Variants in STXBP2 observed in about 807,000 individuals in gnomAD.
STXBP2 encodes syntaxin binding protein 2.
Under a neutral mutation model 72.2 loss-of-function variants are expected in STXBP2, and 47 were observed. The observed-to-expected ratio is 0.65, with a 90% CI of 0.51 to 0.83. The LOEUF is 0.83. Ranked by LOEUF, STXBP2 falls within the 40% of genes least tolerant of loss-of-function variation. The pLI, the probability that STXBP2 is intolerant of heterozygous loss-of-function variation, is 0.00. For synonymous variants in STXBP2, 367 were observed against 338.7 expected, an observed-to-expected ratio of 1.08 and a Z score of -0.92; for missense variants, 702 against 807.6, an observed-to-expected ratio of 0.87 and a Z score of 1.58.
Position 7,647,264 on chromosome 19 carries a change from G to GC in STXBP2, c.1538+22dup. On this transcript the variant is annotated intron_variant, in intron 17 of 18. Coordinates refer to ENST00000221283, the MANE Select transcript of STXBP2 (RefSeq NM_006949.4). ...CGCTGTCAGGTGAGGCCCCGGGGCCGCCCCCGCCCACGCCTGGGTCTGTGT... is the reference window on the plus strand; with the variant it reads ...CGCTGTCAGGTGAGGCCCCGGGGCCGCCCCCCGCCCACGCCTGGGTCTGTGT... 1 of 1,610,210 alleles carries GC rather than the reference G, an allele frequency of 6.2e-7. No individual in the cohort carries two copies. Among genetic ancestry groups the GC allele is most frequent in the Non-Finnish European group, 8.5e-7 (1 of 1,179,158 alleles).
upstream of STXBP2, chr19:7,636,176 A>G (rs2031524452): frequency 6.6e-6 from 1 of 152,046 alleles, no homozygotes; most frequent in African/African-American, 2.4e-5. Flanking sequence ...CCTATGTCCC[A>G]TGTAAGTGGC....
At chr19:7,646,387 G>A (rs775726500) in intron 16 of STXBP2, 43 bp downstream of exon 16, 67 of 1,545,122 alleles carry the variant, frequency 4.3e-5, no homozygotes, top group African/African-American at 8.2e-5. Flanking sequence ...CCTCCGCATC[G>A]GCTGGCGGCT....
chr19:7,639,614 A>T, intron 3 of STXBP2, 117 bp from the exon 4 acceptor site: 1 of 920,114 alleles, frequency 1.1e-6, no homozygotes, highest in Non-Finnish European at 1.7e-6. Flanking sequence ...TTTCTCCTGC[A>T]GTCCCTCCTA....
Position 7,639,720 on chromosome 19 carries a change from G to A in STXBP2, c.170-11G>A, listed in dbSNP as rs946291042. Reference sequence around the variant, plus strand: ...GCCACCCACCTGTGTCCCTTCCTCTGTTCCTACTAGTTGTTGAAGACATCA... The same window carrying A: ...GCCACCCACCTGTGTCCCTTCCTCTATTCCTACTAGTTGTTGAAGACATCA... On this transcript the variant is annotated splice_polypyrimidine_tract_variant and intron_variant, in intron 3 of 18. Coordinates refer to ENST00000221283, the MANE Select transcript of STXBP2 (RefSeq NM_006949.4). 1 of 1,612,148 alleles carries A rather than the reference G, an allele frequency of 6.2e-7. No homozygotes were observed. Among genetic ancestry groups the A allele is most frequent in the Non-Finnish European group, 8.5e-7 (1 of 1,179,668 alleles).
intron 1 of STXBP2, 68 bp downstream of exon 1, chr19:7,637,254 TG>T: frequency 9.0e-7 from 1 of 1,107,364 alleles, no homozygotes; most frequent in Non-Finnish European, 1.1e-6. Flanking sequence ...GCACGGGCTC[TG>T]GGATCCTGGG....
the STXBP2 span, chr19:7,631,569 G>C: frequency 1.0e-5 from 16 of 1,533,574 alleles, no homozygotes; most frequent in Non-Finnish European, 1.4e-5. Context: ...CCTCCAAGTG[G>C]GAGTCCTAGC....
intron 13 of STXBP2, 58 bp from the exon 14 acceptor site, chr19:7,644,556 C>G: frequency 1.2e-6 from 2 of 1,602,102 alleles, no homozygotes; most frequent in Non-Finnish European, 1.7e-6. Flanking sequence ...TGGCCCGCCT[C>G]TCCCATCCCC....
chr19:7,633,266 C>T, upstream of STXBP2: 1 of 918,322 alleles, frequency 1.1e-6, no homozygotes, highest in Non-Finnish European at 1.6e-6. Flanking sequence ...CCCAAGCCCA[C>T]CAGCCCCTTT....
Position 7,644,646 on chromosome 19 carries a change from G to T in STXBP2, c.1140G>T (p.Glu380Asp). The T allele has an allele frequency of 6.2e-7, 1 of 1,613,440 alleles. No homozygotes were observed. Among genetic ancestry groups the T allele is most frequent in the Non-Finnish European group, 8.5e-7 (1 of 1,179,824 alleles). Reference protein sequence around the residue: ...DLAMGSDAEGEKIKDSMKLIV... With the variant: ...DLAMGSDAEGDKIKDSMKLIV... ...CCATGGGCTCCGACGCAGAGGGGGA[G>T]AAGATCAAGGACTCCATGAAGCTGA... is the stretch of plus-strand genomic sequence containing the variant. Residue 380 changes from glutamate (E) to aspartate (D), a missense_variant, in exon 14 of 19, where the codon GAG becomes GAT. Glu to Asp is a conservative substitution (Grantham distance 45). Coordinates refer to ENST00000221283, the MANE Select transcript of STXBP2 (RefSeq NM_006949.4).
chr19:7,640,802 C>T lies in STXBP2; in HGVS notation c.318C>T (p.Phe106=), dbSNP rs1044036576. 6.2e-7 allele frequency: 1 copy of T among 1,614,188 alleles called. No individual in the cohort carries two copies. The highest frequency in any genetic ancestry group is 8.5e-7 in the Non-Finnish European group (1 of 1,180,026). The change falls in exon 5 of 19, where the codon TTC becomes TTT. Residue 106 remains phenylalanine, a synonymous_variant. Transcript: ENST00000221283. ...CCTACAAAGCGGCCCATATCTTCTT[C>T]ACCGACAGTGAGTGAGGAGAGCCTA... The part of the protein sequence containing the change: ...TFTYKAAHIF[F]TDTCPEPLFS...
intron 1 of STXBP2, among the ~76,000 whole-genome samples, chr19:7,638,045 G>T (rs2031629596): frequency 6.6e-6 from 1 of 152,252 alleles, no homozygotes; most frequent in Non-Finnish European, 1.5e-5. Context: ...GGGGGGACTG[G>T]CTGAAACCCT....
intron 15 of STXBP2, 135 bp downstream of exon 15, chr19:7,645,441 C>A: frequency 2.3e-6 from 2 of 856,170 alleles, no homozygotes. Flanking sequence ...AGGCCAAAAG[C>A]AGTGTTTCGG....
rs2031923083 is a variant in STXBP2, at chr19:7,642,354, T to G, written c.794+21T>G. The G allele has an allele frequency of 6.2e-7, 1 of 1,613,094 alleles. No homozygotes were observed. The highest frequency in any genetic ancestry group is 1.1e-5 in the South Asian group (1 of 91,072). ...TACAGGTCTGCAGACTTGGAACCCG[T>G]CCCCACCCTTGCCACTGACCTGGTT... is the stretch of plus-strand genomic sequence containing the variant. On this transcript the variant is annotated intron_variant, in intron 9 of 18. Transcript: ENST00000221283. This position sits in a 1 kb window ranked among gnomAD's most constrained non-coding sequence, Gnocchi z 6.0.
chr19:7,640,216 CTGCGTCTGTGTG>C (rs765930323), intron 4 of STXBP2: 76 of 477,168 alleles, frequency 1.6e-4, no homozygotes, highest in African/African-American at 3.3e-4. Context: ...ATGTATGTGT[CTGCGTCTGTGTG>C]TGCGTCTGTG....
rs1362206883 is a variant in STXBP2 at position 7,646,287 on chromosome 19, C to T, written c.1395C>T (p.Arg465=). ...GTSSRLEPRE[R]MEPTYQLSRW... is the part of the protein sequence containing the mutation. ...CCAGCCGGCTGGAGCCGAGAGAACG[C>T]ATGGAGCCCACCTATCAGCTGTCCC... The change falls in exon 16 of 19, where the codon CGC becomes CGT. Residue 465 remains arginine (R), a synonymous_variant. Coordinates refer to ENST00000221283, the MANE Select transcript of STXBP2 (RefSeq NM_006949.4). 4 of 1,611,528 alleles carry T rather than the reference C, an allele frequency of 2.5e-6. No individual in the cohort carries two copies. Among genetic ancestry groups the T allele is most frequent in the East Asian group, 4.5e-5 (2 of 44,742 alleles).
Position 7,641,688 on chromosome 19 carries a change from G to A in STXBP2, c.430-17G>A, listed in dbSNP as rs1199867412. ...CTGCAGCGGCAACCCTGGTGCTTCT[G>A]TCCCCTCCTCGCCCAGGTGTTCTCC... is the stretch of plus-strand genomic sequence containing the variant. On this transcript the variant is annotated splice_polypyrimidine_tract_variant and intron_variant, in intron 6 of 18. Coordinates refer to ENST00000221283, the MANE Select transcript of STXBP2 (RefSeq NM_006949.4). 1.9e-6 allele frequency: 3 copies of A among 1,551,272 alleles called. No homozygotes were observed. The highest frequency in any genetic ancestry group is 1.4e-5 in the African/African-American group (1 of 73,098).
chr19:7,645,497 G>C (rs959954062), intron 15 of STXBP2, 191 bp downstream of exon 15: 4 of 593,090 alleles, frequency 6.7e-6, no homozygotes, highest in Non-Finnish European at 1.2e-5. Context: ...CCCAGTCCCA[G>C]CTTACACAAT....
chr19:7,630,977 G>A, the STXBP2 span: 1 of 1,194,312 alleles, frequency 8.4e-7, no homozygotes, highest in African/African-American at 1.5e-5. Context: ...GGGAGGCTGA[G>A]GTGGGTAGAT....
chr19:7,641,870 G>GGC lies in STXBP2; in HGVS notation c.578+17_578+18insGC. Reference sequence around the variant, plus strand: ...CTACCGCAAGTGGGGACCCCACCCAGCCCCACCCCGATGCCGACCCCCCCT... The same window carrying GGC: ...CTACCGCAAGTGGGGACCCCACCCAGGCCCCCACCCCGATGCCGACCCCCCCT... On this transcript the variant is annotated intron_variant, in intron 7 of 18. Coordinates refer to ENST00000221283, the MANE Select transcript of STXBP2 (RefSeq NM_006949.4). The GGC allele has an allele frequency of 3.1e-6, 2 of 648,118 alleles. No individual in the cohort carries two copies. The highest frequency in any genetic ancestry group is 4.5e-6 in the Non-Finnish European group (2 of 439,758). The allele number at this position is 648,118 out of a possible 1,614,324, so 40.1% of individuals were successfully genotyped here. A position where few individuals can be genotyped will look rare whatever the true frequency, so the allele number is the denominator to read the frequency against.
Sources: allele counts gnomAD v4.1 joint callset (sites outside exome capture counted in the v4.1 genomes callset), GRCh38; gene constraint gnomAD v4.1.1; non-coding constraint Gnocchi (gnomAD v3.1); transcripts MANE v1.5; gene names NCBI Gene and HGNC (gene_info 2026-07-23, HGNC 2026-07-21).